The following RHBDD1 variants were observed in gnomAD, a reference collection of about 807,000 sequenced individuals.
The protein encoded by RHBDD1 is rhomboid-related protein 4.
In RHBDD1, 38 loss-of-function variants were observed where a neutral mutation model predicts 36.3. The ratio of observed to expected loss-of-function variants is 1.05; its 90% CI spans 0.81 to 1.37. The LOEUF is 1.37. Ranked by LOEUF, RHBDD1 falls within the 40% of genes most tolerant of loss-of-function variation. RHBDD1 has a pLI of 0.00. For synonymous variants in RHBDD1, 151 were observed against 136.5 expected, an observed-to-expected ratio of 1.11 and a Z score of -0.74; for missense variants, 393 against 377.6, an observed-to-expected ratio of 1.04 and a Z score of -0.34.
intron 5 of RHBDD1, among the ~76,000 whole-genome samples, chr2:226,880,539 A>G (rs1046378420): frequency 1.3e-5 from 2 of 152,134 alleles, no homozygotes; most frequent in South Asian, 2.1e-4. Flanking sequence ...TCCCACTACA[A>G]TTGGAACTCT....
At chr2:226,837,520 T>A (rs1314398333) in intron 1 of RHBDD1, 2 of 151,604 alleles carry the variant, frequency 1.3e-5, no homozygotes, top group African/African-American at 2.4e-5. Flanking sequence ...GAGTAGTTTT[T>A]AATTCTTTGG....
chr2:226,841,470 C>CA (rs1941629155), intron 3 of RHBDD1, among the ~76,000 whole-genome samples: 1 of 152,176 alleles, frequency 6.6e-6, no homozygotes, highest in African/African-American at 2.4e-5. Flanking sequence ...ACCTCCCTGA[C>CA]AGGCCCCAGT....
At position 226,958,919 on chromosome 2, in the gene RHBDD1, C is replaced by A. The variant is rs548092272; in HGVS notation, c.857-36512C>A. The stretch of plus-strand genomic sequence containing the variant: ...TTCCCCTTCTGCTCTTTTGAGATCT[C>A]TTAAAGGATTTTAAGATTTTATAAA... On this transcript the variant is annotated intron_variant, in intron 8 of 8. Transcript: ENST00000392062. 2.3e-3 allele frequency among the ~76,000 whole-genome samples: 343 copies of A among 152,156 alleles called. 2 individuals carry two copies. Among genetic ancestry groups the A allele is most frequent in the African/African-American group, 7.7e-3 (320 of 41,512 alleles).
chr2:226,952,497 C>T (rs935891819), intron 8 of RHBDD1, among the ~76,000 whole-genome samples: 3 of 152,058 alleles, frequency 2.0e-5, no homozygotes, highest in Non-Finnish European at 4.4e-5. Flanking sequence ...TCAGTTTCAC[C>T]ATGTTGGCCA....
intron 3 of RHBDD1, among the ~76,000 whole-genome samples, chr2:226,850,829 A>G (rs529121287): frequency 7.9e-4 from 120 of 152,252 alleles, no homozygotes; most frequent in African/African-American, 2.8e-3. Flanking sequence ...TGTATGCATA[A>G]AAGGACTCCT....
chr2:226,964,830 G>A (rs1226766816), intron 8 of RHBDD1, among the ~76,000 whole-genome samples: 2 of 152,188 alleles, frequency 1.3e-5, no homozygotes, highest in Non-Finnish European at 2.9e-5. Flanking sequence ...GATAGTAGAA[G>A]GTGAGGATGT....
chr2:226,896,569 C>G (rs916636031), intron 5 of RHBDD1, among the ~76,000 whole-genome samples: 7 of 152,180 alleles, frequency 4.6e-5, no homozygotes, highest in African/African-American at 1.7e-4. Context: ...TACCTGTCTT[C>G]TGCTTAATTT....
intron 8 of RHBDD1, among the ~76,000 whole-genome samples, chr2:226,939,505 C>T (rs560768201): frequency 7.8e-4 from 119 of 152,188 alleles, no homozygotes; most frequent in African/African-American, 2.4e-3. Flanking sequence ...AGCCAAATCA[C>T]GAATGAACTC....
intron 3 of RHBDD1, among the ~76,000 whole-genome samples, chr2:226,856,581 A>C (rs1184098922): frequency 6.6e-6 from 1 of 152,240 alleles, no homozygotes; most frequent in Admixed American, 6.5e-5. Context: ...TAGAAAAGCC[A>C]TGAATGAATA....
At chr2:226,859,480 G>A (rs865919052) in intron 3 of RHBDD1, among the ~76,000 whole-genome samples, 4 of 152,142 alleles carry the variant, frequency 2.6e-5, no homozygotes, top group African/African-American at 9.7e-5. Flanking sequence ...ATCGATTTTG[G>A]TATCTGTTGG....
chr2:226,988,536 C>G, intron 8 of RHBDD1: 1 of 1,454,190 alleles, frequency 6.9e-7, no homozygotes, highest in South Asian at 1.5e-5. Context: ...CGCACTGTGC[C>G]AGGCTGGCCC....
chr2:226,867,985 G>A (rs1180108256), intron 5 of RHBDD1, among the ~76,000 whole-genome samples: 1 of 152,158 alleles, frequency 6.6e-6, no homozygotes, highest in African/African-American at 2.4e-5. Context: ...CCAAAGTGCT[G>A]GGATTACAGG....
intron 8 of RHBDD1, among the ~76,000 whole-genome samples, chr2:226,933,420 T>G (rs1950151351): frequency 6.6e-6 from 1 of 152,120 alleles, no homozygotes; most frequent in Non-Finnish European, 1.5e-5. Flanking sequence ...CAGATGAGGT[T>G]CTGAGAAAAC....
chr2:226,972,948 A>T (rs1186170092), intron 8 of RHBDD1, among the ~76,000 whole-genome samples: 7 of 151,718 alleles, frequency 4.6e-5, no homozygotes, highest in Non-Finnish European at 1.0e-4. Flanking sequence ...AAAAAAAACA[A>T]AAAACCATGC....
chr2:226,880,245 A>G (rs1945603268), intron 5 of RHBDD1, among the ~76,000 whole-genome samples: 1 of 152,166 alleles, frequency 6.6e-6, no homozygotes, highest in Admixed American at 6.5e-5. Context: ...TTCAGTTTAA[A>G]TCAACATTCC....
intron 8 of RHBDD1, among the ~76,000 whole-genome samples, chr2:226,925,472 C>T (rs1407459452): frequency 6.6e-6 from 1 of 151,784 alleles, no homozygotes; most frequent in African/African-American, 2.4e-5. Flanking sequence ...AATGAAAAAA[C>T]GTAAGGCACA....
the RHBDD1 span, among the ~76,000 whole-genome samples, chr2:226,820,960 G>T: frequency 1.3e-5 from 2 of 152,168 alleles, no homozygotes; most frequent in African/African-American, 4.8e-5. Flanking sequence ...AACAGCATCC[G>T]TGGCATCAGT....
chr2:226,986,636 A>G (rs1357175171), intron 8 of RHBDD1, among the ~76,000 whole-genome samples: 1 of 152,270 alleles, frequency 6.6e-6, no homozygotes, highest in African/African-American at 2.4e-5. Context: ...ATGAGATACC[A>G]TCTCATGCCA....
chr2:226,830,268 T>C, the RHBDD1 span, among the ~76,000 whole-genome samples: 1 of 152,122 alleles, frequency 6.6e-6, no homozygotes, highest in African/African-American at 2.4e-5. Context: ...GAGAGCTAGT[T>C]CTCCTTTCCA....
Sources: allele counts gnomAD v4.1 joint callset (sites outside exome capture counted in the v4.1 genomes callset), GRCh38; gene constraint gnomAD v4.1.1; transcripts MANE v1.5; gene names NCBI Gene and HGNC (gene_info 2026-07-23, HGNC 2026-07-21).